MYH7B: variants seen among roughly 807,000 people sequenced by gnomAD.
MYH7B encodes the protein myosin-7B.
A neutral mutation model predicts 234.5 loss-of-function variants in MYH7B; 205 were observed. That is an observed-to-expected ratio of 0.87 (90% confidence interval 0.78 to 0.98). MYH7B has a LOEUF of 0.98. MYH7B is among the 50% of genes least tolerant of loss of function. MYH7B has a pLI of 0.00. For missense variants in MYH7B, 2,652 were observed against 2,633.4 expected (o/e 1.01, Z -0.15); for synonymous variants, 1,193 against 1,105.0 (o/e 1.08, Z -1.58).
chr20:35,000,580 CGGAGCTGGA>C (rs1237498943), exon 39 of MYH7B: 7 of 1,568,944 alleles, frequency 4.5e-6, no homozygotes, highest in East Asian at 2.3e-5. Flanking sequence ...CTGCTGGCTG[CGGAGCTGGA>C]GGAGCTGCGG....
exon 45 of MYH7B, chr20:35,002,242 G>C (rs577826968): frequency 3.3e-6 from 5 of 1,500,558 alleles, no homozygotes; most frequent in African/African-American, 1.4e-5. Context: ...ACATCTGGCT[G>C]AGGCCACCTG....
chr20:34,971,338 C>T (rs1009719227), intron 2 of MYH7B, among the ~76,000 whole-genome samples: 21 of 152,280 alleles, frequency 1.4e-4, no homozygotes, highest in East Asian at 5.8e-4. Context: ...TGGCTGAGGT[C>T]GCAGTCCCCT....
exon 29 of MYH7B, chr20:34,996,497 T>C (rs759283744): frequency 6.2e-7 from 1 of 1,611,286 alleles, no homozygotes; most frequent in Non-Finnish European, 8.5e-7. Flanking sequence ...AAGGCCAAGC[T>C]CCGGCTGGAG....
chr20:35,002,265 C>T (rs2082407492), exon 45 of MYH7B: 5 of 1,460,530 alleles, frequency 3.4e-6, no homozygotes, highest in East Asian at 2.3e-5. Context: ...CCGATCCTGC[C>T]ATCTCTGCAT....
chr20:34,992,564 T>TG (rs2082175392), intron 24 of MYH7B, among the ~76,000 whole-genome samples: 3 of 146,162 alleles, frequency 2.1e-5, no homozygotes, highest in South Asian at 4.4e-4. Flanking sequence ...AGGTTGTGTT[T>TG]TTTTTTTTTT....
At position 34,977,616 on chromosome 20, in the gene MYH7B, C is replaced by T. The variant is rs1436044487; in HGVS notation, c.-121-16C>T. ...TGGAGATTGCTGACATAGCTCTCCTCCTCTGACCTTGACAGTGGCAATAAA... is the reference window on the plus strand; with the variant it reads ...TGGAGATTGCTGACATAGCTCTCCTTCTCTGACCTTGACAGTGGCAATAAA... On this transcript the variant is annotated splice_polypyrimidine_tract_variant and intron_variant, in intron 3 of 44. Coordinates refer to ENST00000262873, the Ensembl canonical transcript of MYH7B. The T allele has an allele frequency of 6.4e-6, 10 of 1,574,778 alleles. No individual in the cohort carries two copies. The highest frequency in any genetic ancestry group is 4.7e-5 in the South Asian group (4 of 85,534).
chr20:34,979,246 G>T (rs1051360690), intron 5 of MYH7B, 144 bp from the exon 6 acceptor site: 7 of 596,532 alleles, frequency 1.2e-5, no homozygotes, highest in African/African-American at 1.9e-5. Context: ...GGGTTTGGAG[G>T]GTTCTTCACT....
chr20:34,986,693 ACT>A (rs1319778022), intron 14 of MYH7B, among the ~76,000 whole-genome samples, 191 bp from the exon 15 acceptor site: 1 of 152,082 alleles, frequency 6.6e-6, no homozygotes, highest in East Asian at 1.9e-4. Context: ...AGGGCCCTTC[ACT>A]CTCAGTGCCC....
chr20:34,969,841 G>A (rs952391187), intron 2 of MYH7B, among the ~76,000 whole-genome samples: 1 of 151,886 alleles, frequency 6.6e-6, no homozygotes, highest in Admixed American at 6.6e-5. Flanking sequence ...CACCGTACCC[G>A]GCCACAACTT....
chr20:34,985,265 T>G, intron 13 of MYH7B, 136 bp downstream of exon 13: 1 of 744,680 alleles, frequency 1.3e-6, no homozygotes, highest in Non-Finnish European at 2.3e-6. Flanking sequence ...GCTGCCCAGC[T>G]CAGGCCACCT....
chr20:34,961,550 G>A (rs1313883434), intron 2 of MYH7B, among the ~76,000 whole-genome samples: 1 of 152,136 alleles, frequency 6.6e-6, no homozygotes, highest in East Asian at 1.9e-4. Flanking sequence ...AGTGGTTCTT[G>A]GTATATTTAC....
Position 34,994,406 on chromosome 20 carries a change from G to A in MYH7B, c.2700+5G>A, listed in dbSNP as rs1387244925. Reference sequence around the variant, plus strand: ...CTGGCCCTGCAGCTGCAGGCTGTGAGTCAGGGTTCCCCTTGTGACCGGGCG... The same window carrying A: ...CTGGCCCTGCAGCTGCAGGCTGTGAATCAGGGTTCCCCTTGTGACCGGGCG... On this transcript the variant is annotated splice_donor_5th_base_variant and intron_variant, in intron 27 of 44. Transcript: ENST00000262873. The A allele has an allele frequency of 6.4e-7, 1 of 1,568,644 alleles. No individual in the cohort carries two copies. Among genetic ancestry groups the A allele is most frequent in the African/African-American group, 1.4e-5 (1 of 73,546 alleles).
chr20:34,977,509 A>G, intron 3 of MYH7B, 123 bp from the exon 4 acceptor site: 2 of 865,950 alleles, frequency 2.3e-6, no homozygotes, highest in South Asian at 3.2e-5. Flanking sequence ...GGAGGTAAAA[A>G]TAGCCCAGGG....
At chr20:34,991,145 T>C in intron 24 of MYH7B, 24 bp downstream of exon 24, 1 of 1,533,650 alleles carries the variant, frequency 6.5e-7, no homozygotes, top group Non-Finnish European at 9.0e-7. Context: ...TCCCCCTGCC[T>C]GCTGCTCCAG....
chr20:35,001,927 A>G (rs2082395592), intron 43 of MYH7B, 21 bp from the exon 44 acceptor site: 1 of 1,607,826 alleles, frequency 6.2e-7, no homozygotes, highest in Non-Finnish European at 8.5e-7. Context: ...AGCGGAACCA[A>G]GGCCCTGTGT....
At chr20:34,964,263 T>C (rs555556331) in intron 2 of MYH7B, among the ~76,000 whole-genome samples, 1 of 152,148 alleles carries the variant, frequency 6.6e-6, no homozygotes, top group African/African-American at 2.4e-5. Flanking sequence ...AGTCTAGTGA[T>C]GTGAAACGGT....
At chr20:34,979,777 C>G in exon 7 of MYH7B, 1 of 1,614,050 alleles carries the variant, frequency 6.2e-7, no homozygotes, top group East Asian at 2.2e-5. Context: ...ACAACCTGCG[C>G]CAGCGCTATG....
At chr20:34,994,369 GAGA>G (rs764835367) in exon 27 of MYH7B, 12 of 1,596,308 alleles carry the variant, frequency 7.5e-6, no homozygotes, top group Admixed American at 5.2e-5. Flanking sequence ...CATCACCCAG[GAGA>G]AGAATGACCT....
chr20:34,999,750 T>TGCC, intron 37 of MYH7B, 41 bp from the exon 38 acceptor site: 5 of 1,320,484 alleles, frequency 3.8e-6, no homozygotes, highest in South Asian at 2.8e-5. Flanking sequence ...CCACTGGCCA[T>TGCC]CCCCCCCCCC....
Sources: gnomAD v4.1 joint callset for allele counts (sites outside exome capture counted in the v4.1 genomes callset) on GRCh38, gnomAD v4.1.1 for gene constraint, MANE v1.5 for transcripts, NCBI Gene and HGNC (gene_info 2026-07-23, HGNC 2026-07-21) for gene names.